AK8: variants seen among roughly 807,000 people sequenced by gnomAD.
AK8 encodes the protein adenylate kinase 8.
A neutral mutation model predicts 54.6 loss-of-function variants in AK8; 44 were observed. The observed-to-expected ratio is 0.81, with a 90% CI of 0.63 to 1.04. The LOEUF (loss-of-function observed/expected upper bound fraction) is 1.04, where lower values mean the gene tolerates loss of function less well. Among genes scored for constraint, AK8 ranks in the 50% least tolerant of loss-of-function variants. The pLI is 0.00. For synonymous variants in AK8, 239 were observed against 245.6 expected, an observed-to-expected ratio of 0.97 and a Z score of 0.25; for missense variants, 555 against 613.6, an observed-to-expected ratio of 0.90 and a Z score of 1.01.
intron 10 of AK8, among the ~76,000 whole-genome samples, chr9:132,796,770 TACACACACACAC>T (rs10590924): frequency 0.35 from 50,325 of 142,274 alleles, 10,402 homozygotes; most frequent in South Asian, 0.5. Flanking sequence ...ACATACATGC[TACACACACACAC>T]ACACACACAC....
At chr9:132,768,020 G>A (rs140580507) in intron 11 of AK8, among the ~76,000 whole-genome samples, 176 of 152,234 alleles carry the variant, frequency 1.2e-3, no homozygotes, top group Non-Finnish European at 1.8e-3. Flanking sequence ...GAAGGAATAA[G>A]TTCCAGTGTT....
chr9:132,820,144 G>GAAAAA (rs35984099), intron 9 of AK8, among the ~76,000 whole-genome samples: 3 of 72,708 alleles, frequency 4.1e-5, no homozygotes, highest in African/African-American at 1.6e-4. Flanking sequence ...AGTAAGACCC[G>GAAAAA]AAAAAAAAAA....
At chr9:132,745,568 T>A (rs1012465322) in intron 11 of AK8, among the ~76,000 whole-genome samples, 3 of 152,134 alleles carry the variant, frequency 2.0e-5, no homozygotes, top group Non-Finnish European at 2.9e-5. Context: ...TGCGATCGCC[T>A]TTTGTTTTAC....
At chr9:132,784,377 T>C (rs1839603637) in intron 11 of AK8, among the ~76,000 whole-genome samples, 2 of 152,058 alleles carry the variant, frequency 1.3e-5, no homozygotes, top group African/African-American at 4.8e-5. Flanking sequence ...AAAGTAGCTG[T>C]GCATGGTGGC....
In AK8 at chr9:132,725,892, C is replaced by T. The variant is rs572788992; in HGVS notation, c.1236G>A (p.Met412Ile). Residue 412 changes from methionine (M) to isoleucine (I), a missense_variant, in exon 13 of 13, where the codon ATG (methionine) becomes ATA (isoleucine). Transcript: ENST00000298545. ...TCTGCAGGAGGCGAGCCTGGATCTC[C>T]ATGGTGGGAGGTGGCTTGTACATGA... ...YHLMYKPPPT[M>I]EIQARLLQNP... 3.1e-6 allele frequency: 5 copies of T among 1,611,934 alleles called. No individual in the cohort carries two copies. The East Asian group carries it at 1.1e-4, about 36-fold the overall frequency.
chr9:132,868,018 C>G (rs1843672160), intron 2 of AK8, among the ~76,000 whole-genome samples: 2 of 152,196 alleles, frequency 1.3e-5, no homozygotes, highest in African/African-American at 4.8e-5. Context: ...TGCTCAACAC[C>G]ATCTTGATTG....
At chr9:132,831,135 T>G (rs532038953) in intron 5 of AK8, among the ~76,000 whole-genome samples, 8 of 152,332 alleles carry the variant, frequency 5.3e-5, no homozygotes, top group South Asian at 4.1e-4. Context: ...TTTATTTAAC[T>G]GTTTAAATTG....
chr9:132,766,668 T>C (rs1029358908), intron 11 of AK8, among the ~76,000 whole-genome samples: 4 of 152,108 alleles, frequency 2.6e-5, no homozygotes, highest in Non-Finnish European at 5.9e-5. Flanking sequence ...ATATGAACTA[T>C]GGAACATTCC....
rs1240463323 is a variant in AK8, at chr9:132,770,869, G to A, written c.1121+21765C>T. 1.3e-5 allele frequency among the ~76,000 whole-genome samples: 2 copies of A among 152,156 alleles called. No individual in the cohort carries two copies. The highest frequency in any genetic ancestry group is 2.4e-5 in the African/African-American group (1 of 41,434). On this transcript the variant is annotated intron_variant, in intron 11 of 12. Coordinates refer to ENST00000298545, the MANE Select transcript of AK8 (RefSeq NM_152572.3). This position sits in a 1 kb window ranked among gnomAD's most constrained non-coding sequence, Gnocchi z 4.3. Reference sequence around the variant, plus strand: ...GGTTACACCTTCTCTCAGGCCCAGCGGTGTGGGCCTCCCCAGTCAGGGAGA... The same window carrying A: ...GGTTACACCTTCTCTCAGGCCCAGCAGTGTGGGCCTCCCCAGTCAGGGAGA...
rs1261238395 is a variant in AK8, at chr9:132,866,834, C to G, written c.219+70G>C. ...GTTATGCTACAAATTCACGGAGGTG[C>G]AGTCTCATTCCAGCTCTGGAGGATC... On this transcript the variant is annotated intron_variant, in intron 3 of 12. Transcript: ENST00000298545. 4 of 1,386,822 alleles carry G rather than the reference C, an allele frequency of 2.9e-6. No homozygotes were observed. The Admixed American group carries it at 6.8e-5, about 23-fold the overall frequency. 85.9% of individuals were successfully genotyped at this position (1,386,822 alleles called of 1,614,324 possible).
chr9:132,850,243 A>C (rs1207456476), intron 5 of AK8, among the ~76,000 whole-genome samples: 1 of 135,398 alleles, frequency 7.4e-6, no homozygotes, highest in Admixed American at 7.7e-5. Flanking sequence ...TTTTTGAGAC[A>C]GAGTCTTGCT....
At chr9:132,797,376 C>T (rs1345070056) in intron 10 of AK8, among the ~76,000 whole-genome samples, 1 of 152,168 alleles carries the variant, frequency 6.6e-6, no homozygotes, top group Non-Finnish European at 1.5e-5. Flanking sequence ...GTTCCTCAAG[C>T]GTTCATGGGC....
chr9:132,780,334 C>A (rs1469986137), intron 11 of AK8, among the ~76,000 whole-genome samples: 2 of 152,256 alleles, frequency 1.3e-5, no homozygotes, highest in East Asian at 3.8e-4. Context: ...GCAGACTGCG[C>A]TGAGTGCGGA....
At chr9:132,815,512 C>T (rs546625327) in intron 9 of AK8, among the ~76,000 whole-genome samples, 1 of 151,796 alleles carries the variant, frequency 6.6e-6, no homozygotes, top group African/African-American at 2.4e-5. Flanking sequence ...AAGATCGCGT[C>T]ACTGCGCTCC....
intron 5 of AK8, among the ~76,000 whole-genome samples, 183 bp from the exon 6 acceptor site, chr9:132,828,909 G>A (rs370031361): frequency 6.6e-5 from 10 of 150,962 alleles, no homozygotes; most frequent in South Asian, 4.2e-4. Context: ...ATTCCCTTCC[G>A]AATCATATCT....
intron 10 of AK8, among the ~76,000 whole-genome samples, chr9:132,804,798 G>A (rs970540860): frequency 9.2e-5 from 14 of 152,090 alleles, no homozygotes; most frequent in African/African-American, 3.1e-4. Context: ...CCAGCTTCTG[G>A]TTGACAAACC....
intron 11 of AK8, among the ~76,000 whole-genome samples, chr9:132,755,360 G>A (rs1363815484): frequency 1.3e-5 from 2 of 152,172 alleles, no homozygotes; most frequent in African/African-American, 4.8e-5. Context: ...TGCCAGCCGA[G>A]CACCCGAGCG....
intron 11 of AK8, among the ~76,000 whole-genome samples, chr9:132,752,828 C>A (rs1029017868): frequency 1.3e-5 from 2 of 152,018 alleles, no homozygotes; most frequent in African/African-American, 4.8e-5. Context: ...CACCTTCCCC[C>A]ACCAGCGCAT....
intron 5 of AK8, among the ~76,000 whole-genome samples, chr9:132,830,534 T>A (rs1023993894): frequency 6.6e-6 from 1 of 152,234 alleles, no homozygotes; most frequent in African/African-American, 2.4e-5. Context: ...TTTTTCCATA[T>A]GTTTGTTAGC....
Sources: gnomAD v4.1 joint callset for allele counts (sites outside exome capture counted in the v4.1 genomes callset) on GRCh38, gnomAD v4.1.1 for gene constraint, Gnocchi (gnomAD v3.1) non-coding constraint, MANE v1.5 for transcripts, NCBI Gene and HGNC (gene_info 2026-07-23, HGNC 2026-07-21) for gene names.